Variants in PTPRD observed in about 807,000 individuals in gnomAD.
PTPRD encodes protein tyrosine phosphatase receptor type D.
In PTPRD, 34 loss-of-function variants were observed where a neutral mutation model predicts 214.5. The observed-to-expected ratio is 0.16, with a 90% confidence interval of 0.12 to 0.21. The LOEUF is 0.21. Among genes scored for constraint, PTPRD ranks in the 10% least tolerant of loss-of-function variants. The probability of loss-of-function intolerance (pLI) is 1.00; values close to 1 mark genes in which losing one functional copy is unlikely to be tolerated. For missense variants in PTPRD, 2,545 were observed against 2,398.7 expected, an observed-to-expected ratio of 1.06 and a Z score of -1.27; for synonymous variants, 1,128 against 845.7, an observed-to-expected ratio of 1.33 and a Z score of -5.79.
intron 5 of PTPRD, among the ~76,000 whole-genome samples, chr9:9,900,872 T>C (rs930922988): frequency 1.3e-5 from 2 of 152,106 alleles, no homozygotes; most frequent in Non-Finnish European, 2.9e-5. Flanking sequence ...CTTGACCTCA[T>C]GATCCGCCCA....
At chr9:9,930,710 A>G (rs893917564) in intron 5 of PTPRD, among the ~76,000 whole-genome samples, 3 of 152,132 alleles carry the variant, frequency 2.0e-5, no homozygotes, top group African/African-American at 7.2e-5. Context: ...ACACAAATAT[A>G]ATATTTAAAT....
chr9:9,479,215 G>GC lies in PTPRD; in HGVS notation c.-236-81734dup, dbSNP rs769053229. Among the ~76,000 whole-genome samples the GC allele has an allele frequency of 3.2e-3, 66 of 20,576 alleles. 3 individuals are homozygous for GC. The highest frequency in any genetic ancestry group is 8.7e-3 in the East Asian group (4 of 458). The allele number at this position is 20,576 out of a possible 152,430, so 13.5% of individuals were successfully genotyped here. A position where few individuals can be genotyped will look rare whatever the true frequency, so the allele number is the denominator to read the frequency against. On this transcript the variant is annotated intron_variant, in intron 8 of 45. Coordinates refer to ENST00000381196, the MANE Select transcript of PTPRD (RefSeq NM_002839.4). ...CACACATACATACATACACACACAC[G>GC]CCCCCCCCCCCCCCACACACACACC...
chr9:10,006,052 G>T (rs2096466633), intron 4 of PTPRD, among the ~76,000 whole-genome samples: 1 of 152,006 alleles, frequency 6.6e-6, no homozygotes, highest in South Asian at 2.1e-4. Context: ...ATATATGATG[G>T]TATTATACAA....
chr9:9,172,194 C>T (rs1325728146), intron 10 of PTPRD, among the ~76,000 whole-genome samples: 5 of 152,100 alleles, frequency 3.3e-5, no homozygotes, highest in Non-Finnish European at 7.4e-5. Context: ...TTCTTCTGCA[C>T]TCAGCACAGA....
chr9:10,496,987 G>A (rs1215262734), intron 2 of PTPRD, among the ~76,000 whole-genome samples: 1 of 151,958 alleles, frequency 6.6e-6, no homozygotes, highest in Non-Finnish European at 1.5e-5. Flanking sequence ...ATGGAATAAT[G>A]TCCTTTGCAC....
intron 8 of PTPRD, among the ~76,000 whole-genome samples, chr9:9,427,706 C>G (rs1042868908): frequency 2.6e-5 from 4 of 152,174 alleles, no homozygotes; most frequent in African/African-American, 9.7e-5. Context: ...AGACTAACAG[C>G]TGATCTCTCG....
intron 9 of PTPRD, among the ~76,000 whole-genome samples, chr9:9,341,413 C>T (rs1463607482): frequency 6.6e-6 from 1 of 152,140 alleles, no homozygotes. Context: ...AGTACCCCAT[C>T]TCCTCCTTTG....
chr9:8,789,320 G>T (rs1415196129), intron 11 of PTPRD, among the ~76,000 whole-genome samples: 1 of 152,192 alleles, frequency 6.6e-6, no homozygotes, highest in Non-Finnish European at 1.5e-5. Flanking sequence ...GACCCAAAAT[G>T]TGTCAATGAA....
chr9:9,153,896 TA>T (rs1245739677), intron 10 of PTPRD, among the ~76,000 whole-genome samples: 3 of 152,148 alleles, frequency 2.0e-5, no homozygotes, highest in Non-Finnish European at 4.4e-5. Flanking sequence ...TTTAGGTTGT[TA>T]ACTAGTGAGG....
chr9:8,448,109 G>T (rs1413504210), intron 34 of PTPRD, among the ~76,000 whole-genome samples: 13 of 151,966 alleles, frequency 8.6e-5, no homozygotes, highest in Admixed American at 7.9e-4. Context: ...TGAGTTGCTG[G>T]AGCCCAGGAG....
At chr9:8,863,792 A>C (rs961006340) in intron 11 of PTPRD, among the ~76,000 whole-genome samples, 1 of 152,108 alleles carries the variant, frequency 6.6e-6, no homozygotes, top group Non-Finnish European at 1.5e-5. Flanking sequence ...CAAATTGCCT[A>C]GTGTTTATTT....
chr9:9,514,905 C>A (rs1317210443), intron 8 of PTPRD, among the ~76,000 whole-genome samples: 1 of 152,006 alleles, frequency 6.6e-6, no homozygotes, highest in African/African-American at 2.4e-5. Flanking sequence ...CTGTGTCATA[C>A]CTAAACAAAT....
At chr9:9,407,682 G>A (rs2073986840) in intron 8 of PTPRD, among the ~76,000 whole-genome samples, 1 of 151,746 alleles carries the variant, frequency 6.6e-6, no homozygotes, top group South Asian at 2.1e-4. Flanking sequence ...CTAAGACTCA[G>A]TTTCTTTACT....
chr9:8,970,694 G>C (rs189497363), intron 11 of PTPRD, among the ~76,000 whole-genome samples: 56 of 151,846 alleles, frequency 3.7e-4, no homozygotes, highest in Admixed American at 3.4e-3. Flanking sequence ...AAATCAGTGA[G>C]GTCAACACCT....
At chr9:9,184,921 A>AATATCCTTTGG (rs2099930410) in intron 9 of PTPRD, among the ~76,000 whole-genome samples, 1 of 152,108 alleles carries the variant, frequency 6.6e-6, no homozygotes, top group Non-Finnish European at 1.5e-5. Flanking sequence ...CGGGTTCCAA[A>AATATCCTTTGG]ATATCCTTTG....
intron 31 of PTPRD, among the ~76,000 whole-genome samples, chr9:8,467,965 T>A (rs2096576745): frequency 6.6e-6 from 1 of 152,014 alleles, no homozygotes; most frequent in African/African-American, 2.4e-5. Context: ...GTTGTTTATG[T>A]GACTGTGTCC....
At chr9:10,341,212 C>G (rs924526178) in intron 2 of PTPRD, among the ~76,000 whole-genome samples, 195 bp from the exon 3 acceptor site, 5 of 151,900 alleles carry the variant, frequency 3.3e-5, no homozygotes, top group African/African-American at 1.2e-4. Context: ...TGGTTAACAG[C>G]AGATTCATGA....
intron 11 of PTPRD, among the ~76,000 whole-genome samples, chr9:8,965,528 G>A (rs1352630966): frequency 1.3e-5 from 2 of 152,082 alleles, no homozygotes; most frequent in Non-Finnish European, 2.9e-5. Flanking sequence ...TGTTATTTGT[G>A]TATATATTTA....
intron 44 of PTPRD, among the ~76,000 whole-genome samples, chr9:8,328,796 C>G (rs1836657029): frequency 6.6e-6 from 1 of 152,066 alleles, no homozygotes; most frequent in African/African-American, 2.4e-5. Flanking sequence ...TCTCGGACAT[C>G]CGTTCTTCCA....
Sources: allele counts gnomAD v4.1 joint callset (sites outside exome capture counted in the v4.1 genomes callset), GRCh38; gene constraint gnomAD v4.1.1; transcripts MANE v1.5; gene names NCBI Gene and HGNC (gene_info 2026-07-23, HGNC 2026-07-21).